The following CPEB1 variants were observed in gnomAD, a reference collection of about 807,000 sequenced individuals.
The protein encoded by CPEB1 is cytoplasmic polyadenylation element-binding protein 1.
Under a neutral mutation model 65.8 loss-of-function variants are expected in CPEB1, and 7 were observed. That is an observed-to-expected ratio of 0.11 (90% CI 0.06 to 0.20). The LOEUF is 0.20. CPEB1 is among the 10% of genes least tolerant of loss of function. The pLI, the probability that CPEB1 is intolerant of heterozygous loss-of-function variation, is 1.00. For missense variants in CPEB1, 551 were observed against 712.2 expected (o/e 0.77, Z 2.58); for synonymous variants, 262 against 260.0 (o/e 1.01, Z -0.08).
intron 3 of CPEB1, among the ~76,000 whole-genome samples, chr15:82,601,546 C>G (rs1269065865): frequency 6.6e-6 from 1 of 151,934 alleles, no homozygotes; most frequent in African/African-American, 2.4e-5. Context: ...GTCCCCTCCA[C>G]CCAACAAAAA....
intron 3 of CPEB1, among the ~76,000 whole-genome samples, chr15:82,600,430 C>A (rs553289979): frequency 1.3e-5 from 2 of 152,056 alleles, no homozygotes; most frequent in Admixed American, 1.3e-4. Flanking sequence ...GGAAAGTGAA[C>A]CCACATGGAA....
At chr15:82,576,335 A>G (rs1161611380) in intron 3 of CPEB1, among the ~76,000 whole-genome samples, 1 of 152,210 alleles carries the variant, frequency 6.6e-6, no homozygotes, top group Non-Finnish European at 1.5e-5. Flanking sequence ...AAAGTAGCTG[A>G]GGTGATGCTA....
At chr15:82,579,999 G>A (rs1281941792) in intron 3 of CPEB1, among the ~76,000 whole-genome samples, 10 of 142,932 alleles carry the variant, frequency 7.0e-5, no homozygotes, top group South Asian at 2.2e-4. Flanking sequence ...AAAACTCAGC[G>A]GGAGAAGTGG....
At chr15:82,583,400 G>A (rs915892265) in intron 3 of CPEB1, 1 of 152,176 alleles carries the variant, frequency 6.6e-6, no homozygotes, top group Non-Finnish European at 1.5e-5. Context: ...ATTGGGGTCT[G>A]CAGAAGTTCC....
At chr15:82,584,177 T>C (rs1025064894) in intron 3 of CPEB1, among the ~76,000 whole-genome samples, 1 of 135,954 alleles carries the variant, frequency 7.4e-6, no homozygotes, top group East Asian at 2.2e-4. Flanking sequence ...GAGAATGGCA[T>C]GAACCCGGCA....
chr15:82,611,321 T>C (rs955379815), intron 3 of CPEB1, among the ~76,000 whole-genome samples: 1 of 152,156 alleles, frequency 6.6e-6, no homozygotes, highest in Non-Finnish European at 1.5e-5. Flanking sequence ...AATTAACAGT[T>C]TGACTTACAA....
intron 3 of CPEB1, among the ~76,000 whole-genome samples, chr15:82,602,211 A>G (rs1299721942): frequency 1.3e-5 from 2 of 152,240 alleles, no homozygotes; most frequent in African/African-American, 4.8e-5. Flanking sequence ...AAAGACAACT[A>G]GAAAGTCCCA....
Position 82,552,528 on chromosome 15 carries a change from C to T in CPEB1, c.1233G>A (p.Leu411=). The change falls in exon 9 of 13, where the codon CTG becomes CTA. Residue 411 remains leucine, a synonymous_variant. Coordinates refer to ENST00000684509, the MANE Select transcript of CPEB1 (RefSeq NM_001365242.1). ...TGGACATCTTGAAATAATATTCACT[C>T]AGGCCATCTGGGCTCAGCGGGTCAT... The part of the protein sequence containing the change: ...CSHDPLSPDG[L]SEYYFKMSSR... 1 of 1,604,468 alleles carries T rather than the reference C, an allele frequency of 6.2e-7. No homozygotes were observed. The highest frequency in any genetic ancestry group is 1.3e-5 in the African/African-American group (1 of 74,304).
chr15:82,629,961 A>G (rs536373230), intron 1 of CPEB1: 1 of 985,306 alleles, frequency 1.0e-6, no homozygotes, highest in African/African-American at 1.7e-5. Context: ...ACACAATCCT[A>G]CAAGGTTGTT....
upstream of CPEB1, chr15:82,647,901 G>A (rs2047716344): frequency 4.9e-6 from 6 of 1,231,310 alleles, no homozygotes; most frequent in Non-Finnish European, 5.1e-6. Context: ...GGGCTGACGG[G>A]CTGACCGGCC....
intron 8 of CPEB1, 133 bp downstream of exon 8, chr15:82,553,334 G>A: frequency 1.5e-6 from 1 of 660,946 alleles, no homozygotes; most frequent in Non-Finnish European, 2.7e-6. Flanking sequence ...ACAGATGGCA[G>A]GTCTGTGCCC....
intron 3 of CPEB1, among the ~76,000 whole-genome samples, chr15:82,617,622 T>C (rs530330324): frequency 1.3e-5 from 2 of 152,020 alleles, no homozygotes; most frequent in South Asian, 2.1e-4. Flanking sequence ...ACAATAATAA[T>C]GTAAGTTGTT....
rs1442284803 is a variant in CPEB1 at position 82,553,964 on chromosome 15, C to T, written c.968G>A (p.Ser323Asn). 5.0e-6 allele frequency: 8 copies of T among 1,610,780 alleles called. No individual in the cohort carries two copies. Among genetic ancestry groups the T allele is most frequent in the Non-Finnish European group, 6.8e-6 (8 of 1,178,884 alleles). ...ATAGTTCCGGGGAGGAAGCTGGCCA[C>T]TCCAGGTACAGGTGGCTTCATTCAC... ...AAVNEATCTW[S>N]GQLPPRNYKN... Residue 323 changes from serine (S) to asparagine (N), a missense_variant, in exon 7 of 13, where the codon AGT (serine) becomes AAT (asparagine). Ser to Asn is a conservative substitution (Grantham distance 46). Coordinates refer to ENST00000684509, the MANE Select transcript of CPEB1 (RefSeq NM_001365242.1).
At chr15:82,615,765 T>C (rs1384417897) in intron 3 of CPEB1, among the ~76,000 whole-genome samples, 5 of 152,128 alleles carry the variant, frequency 3.3e-5, no homozygotes, top group South Asian at 2.1e-4. Flanking sequence ...AACTGGTAAA[T>C]GCACTTTGAA....
intron 3 of CPEB1, among the ~76,000 whole-genome samples, chr15:82,593,420 T>C (rs1451017240): frequency 2.0e-5 from 3 of 152,242 alleles, no homozygotes; most frequent in Admixed American, 2.0e-4. Flanking sequence ...TCCCAAGTTT[T>C]ATCATGAGAT....
At chr15:82,553,633 G>A (rs2036661660) in intron 7 of CPEB1, 77 bp from the exon 8 acceptor site, 3 of 1,083,708 alleles carry the variant, frequency 2.8e-6, no homozygotes, top group Admixed American at 1.9e-5. Context: ...AGAATCACCA[G>A]CATTCTCCTC....
At chr15:82,567,255 T>C (rs1368313988) in intron 4 of CPEB1, among the ~76,000 whole-genome samples, 1 of 152,166 alleles carries the variant, frequency 6.6e-6, no homozygotes, top group African/African-American at 2.4e-5. Context: ...CCACTCATCT[T>C]AGGCTGATGT....
intron 4 of CPEB1, among the ~76,000 whole-genome samples, chr15:82,561,726 A>C (rs1450995423): frequency 6.6e-6 from 1 of 152,198 alleles, no homozygotes; most frequent in Non-Finnish European, 1.5e-5. Flanking sequence ...GCTAACTTGA[A>C]AGTTCTCTAC....
intron 12 of CPEB1, 96 bp from the exon 13 acceptor site, chr15:82,544,798 G>T: frequency 1.1e-6 from 1 of 902,026 alleles, no homozygotes; most frequent in Non-Finnish European, 1.8e-6. Context: ...GGAGAAGGGT[G>T]GGAGACTCCC....
Sources: allele counts gnomAD v4.1 joint callset (sites outside exome capture counted in the v4.1 genomes callset), GRCh38; gene constraint gnomAD v4.1.1; transcripts MANE v1.5; gene names NCBI Gene and HGNC (gene_info 2026-07-23, HGNC 2026-07-21).